Variants in ODAD2 observed in about 807,000 individuals in gnomAD.
ODAD2 encodes the protein outer dynein arm docking complex subunit 2.
A neutral mutation model predicts 106.8 loss-of-function variants in ODAD2; 89 were observed. That is an observed-to-expected ratio of 0.83 (90% confidence interval 0.70 to 0.99). ODAD2 has a LOEUF of 0.99. ODAD2 is among the 50% of genes least tolerant of loss of function. The pLI, the probability that ODAD2 is intolerant of heterozygous loss-of-function variation, is 0.00. For synonymous variants in ODAD2, 404 were observed against 436.2 expected, an observed-to-expected ratio of 0.93 and a Z score of 0.92; for missense variants, 1,168 against 1,238.5, an observed-to-expected ratio of 0.94 and a Z score of 0.85.
chr10:27,902,255 C>T (rs1003956287), intron 17 of ODAD2, among the ~76,000 whole-genome samples: 6 of 152,056 alleles, frequency 3.9e-5, no homozygotes, highest in Admixed American at 2.0e-4. Context: ...TCTTTGAAAT[C>T]GATGAGAACA....
At chr10:27,924,296 C>T (rs1845082224) in intron 16 of ODAD2, among the ~76,000 whole-genome samples, 2 of 151,258 alleles carry the variant, frequency 1.3e-5, no homozygotes, top group Non-Finnish European at 3.0e-5. Flanking sequence ...ACTGGGCTAA[C>T]AGGGGAATAC....
chr10:27,895,919 C>G lies in ODAD2; in HGVS notation c.2610+11744G>C, dbSNP rs1057346510. Among the ~76,000 whole-genome samples, 138 of 152,172 alleles carry G rather than the reference C, an allele frequency of 9.1e-4. 1 individual carries two copies. Among genetic ancestry groups the G allele is most frequent in the Non-Finnish European group, 8.8e-5 (6 of 68,030 alleles). ...TTGTAGAAGGACGCAAGGTGGGAGA[C>G]AAATATAATATTCAGCTTCTGACCC... On this transcript the variant is annotated intron_variant, in intron 17 of 19. Coordinates refer to ENST00000305242, the MANE Select transcript of ODAD2 (RefSeq NM_018076.5).
chr10:27,855,856 G>A (rs1248280363), intron 19 of ODAD2, among the ~76,000 whole-genome samples: 2 of 152,112 alleles, frequency 1.3e-5, no homozygotes, highest in Non-Finnish European at 2.9e-5. Flanking sequence ...TCAATTTCCT[G>A]CCTTTCAGAA....
At chr10:27,993,646 T>C (rs1049831565) in intron 2 of ODAD2, among the ~76,000 whole-genome samples, 4 of 151,608 alleles carry the variant, frequency 2.6e-5, no homozygotes, top group African/African-American at 9.7e-5. Flanking sequence ...CGAGACTCTG[T>C]CTCCAGAAAA....
intron 10 of ODAD2, among the ~76,000 whole-genome samples, chr10:27,945,992 A>G (rs1846888628): frequency 6.6e-6 from 1 of 150,384 alleles, no homozygotes; most frequent in South Asian, 2.1e-4. Flanking sequence ...TAAGCATTAT[A>G]TTTCCATTAT....
At chr10:27,914,376 T>G (rs1283093809) in intron 16 of ODAD2, among the ~76,000 whole-genome samples, 1 of 152,152 alleles carries the variant, frequency 6.6e-6, no homozygotes, top group East Asian at 1.9e-4. Flanking sequence ...CCTGAGAAAG[T>G]TCTGTTCCAA....
intron 17 of ODAD2, among the ~76,000 whole-genome samples, chr10:27,882,537 C>T (rs1016971773): frequency 6.6e-6 from 1 of 152,120 alleles, no homozygotes; most frequent in African/African-American, 2.4e-5. Flanking sequence ...GTGGTAAAAT[C>T]AACATTTTCT....
intron 17 of ODAD2, among the ~76,000 whole-genome samples, chr10:27,870,575 C>A (rs1027320490): frequency 6.6e-6 from 1 of 152,018 alleles, no homozygotes; most frequent in Non-Finnish European, 1.5e-5. Context: ...TCATTGTTCA[C>A]TTCCCACCTA....
At chr10:27,847,324 A>C (rs1267786096) in intron 19 of ODAD2, among the ~76,000 whole-genome samples, 2 of 152,322 alleles carry the variant, frequency 1.3e-5, no homozygotes, top group Non-Finnish European at 2.9e-5. Context: ...GACAAAAACC[A>C]CATGATTATC....
intron 19 of ODAD2, among the ~76,000 whole-genome samples, chr10:27,836,866 A>G (rs1837931617): frequency 6.6e-6 from 1 of 152,190 alleles, no homozygotes. Flanking sequence ...ATGGTGTTGA[A>G]ACACAGAGGA....
chr10:27,912,050 T>C (rs936204137), intron 16 of ODAD2, among the ~76,000 whole-genome samples: 4 of 152,234 alleles, frequency 2.6e-5, no homozygotes, highest in Non-Finnish European at 5.9e-5. Flanking sequence ...TTTGAAGTTG[T>C]CTCTAAGTGG....
At chr10:27,858,345 T>C (rs1192664699) in intron 19 of ODAD2, among the ~76,000 whole-genome samples, 2 of 152,182 alleles carry the variant, frequency 1.3e-5, no homozygotes, top group African/African-American at 2.4e-5. Context: ...AGGTTGCATA[T>C]TTCTGCTGGT....
chr10:27,812,642 G>A lies in ODAD2; in HGVS notation c.3022-17C>T. 6.4e-7 allele frequency: 1 copy of A among 1,554,318 alleles called. No homozygotes were observed. Among genetic ancestry groups the A allele is most frequent in the South Asian group, 1.2e-5 (1 of 80,446 alleles). On this transcript the variant is annotated splice_polypyrimidine_tract_variant and intron_variant, in intron 19 of 19. Transcript: ENST00000305242. ...CAGTAGAAGCTGTCACACATAAGGAGGAGAAGAAGGGACACAAGAATAAAA... is the reference window on the plus strand; with the variant it reads ...CAGTAGAAGCTGTCACACATAAGGAAGAGAAGAAGGGACACAAGAATAAAA...
At chr10:27,895,461 T>A (rs939772647) in intron 17 of ODAD2, among the ~76,000 whole-genome samples, 1 of 152,188 alleles carries the variant, frequency 6.6e-6, no homozygotes. Flanking sequence ...CTAATTTTTG[T>A]ATTTTTAGTA....
intron 18 of ODAD2, 52 bp from the exon 19 acceptor site, chr10:27,860,898 A>G (rs1173304111): frequency 4.7e-6 from 7 of 1,484,258 alleles, no homozygotes; most frequent in South Asian, 2.3e-5. Flanking sequence ...ACCCTGCAAG[A>G]TCATGTCTAT....
intron 19 of ODAD2, among the ~76,000 whole-genome samples, chr10:27,832,627 C>A (rs1299616933): frequency 6.6e-6 from 1 of 152,094 alleles, no homozygotes; most frequent in Admixed American, 6.6e-5. Flanking sequence ...CTGGCGGGCT[C>A]CTTTTGGTGT....
At chr10:27,930,531 C>G (rs1024642484) in intron 16 of ODAD2, among the ~76,000 whole-genome samples, 2 of 150,788 alleles carry the variant, frequency 1.3e-5, no homozygotes, top group African/African-American at 2.4e-5. Flanking sequence ...CAAAAACAGG[C>G]TGAGAGAATG....
intron 7 of ODAD2, among the ~76,000 whole-genome samples, chr10:27,977,006 T>C (rs756768231): frequency 1.3e-5 from 2 of 152,240 alleles, no homozygotes; most frequent in East Asian, 1.9e-4. Flanking sequence ...GATTTACTTT[T>C]GACAAATGAT....
At chr10:27,848,907 T>G (rs1324097354) in intron 19 of ODAD2, among the ~76,000 whole-genome samples, 1 of 152,160 alleles carries the variant, frequency 6.6e-6, no homozygotes, top group East Asian at 1.9e-4. Context: ...AAACAACACG[T>G]GCTGGAGAGG....
Sources: allele counts gnomAD v4.1 joint callset (sites outside exome capture counted in the v4.1 genomes callset), GRCh38; gene constraint gnomAD v4.1.1; transcripts MANE v1.5; gene names NCBI Gene and HGNC (gene_info 2026-07-23, HGNC 2026-07-21).